OPN5: variants seen among roughly 807,000 people sequenced by gnomAD.
OPN5 encodes opsin-5.
In OPN5, 18 loss-of-function variants were observed where a neutral mutation model predicts 41.7. The ratio of observed to expected loss-of-function variants is 0.43; its 90% CI spans 0.30 to 0.64. The LOEUF (loss-of-function observed/expected upper bound fraction) is 0.64, where lower values mean the gene tolerates loss of function less well. Ranked by LOEUF, OPN5 falls within the 30% of genes least tolerant of loss-of-function variation. The pLI, the probability that OPN5 is intolerant of heterozygous loss-of-function variation, is 0.13. For missense variants in OPN5, 318 were observed against 434.5 expected, an observed-to-expected ratio of 0.73 and a Z score of 2.38; for synonymous variants, 178 against 164.3, an observed-to-expected ratio of 1.08 and a Z score of -0.64.
intron 4 of OPN5, among the ~76,000 whole-genome samples, chr6:47,803,582 T>G (rs1773855203): frequency 6.6e-6 from 1 of 152,230 alleles, no homozygotes; most frequent in Admixed American, 6.5e-5. Flanking sequence ...TAATTGGTTC[T>G]GTAATGTGAT....
At chr6:47,805,407 A>G (rs979679430) in intron 4 of OPN5, among the ~76,000 whole-genome samples, 24 of 138,804 alleles carry the variant, frequency 1.7e-4, no homozygotes, top group African/African-American at 6.0e-4. Context: ...AAATGGAAAA[A>G]AAATTGATAT....
rs11284494 is a variant in OPN5, at chr6:47,822,109, C to CA, written c.1057-1855dup. 8.6e-3 allele frequency among the ~76,000 whole-genome samples: 766 copies of CA among 88,928 alleles called. 8 individuals carry two copies. Among genetic ancestry groups the CA allele is most frequent in the East Asian group, 0.022 (55 of 2,486 alleles). The allele number at this position is 88,928 out of a possible 152,430, so 58.3% of individuals were successfully genotyped here. On this transcript the variant is annotated intron_variant, in intron 6 of 6. Transcript: ENST00000371211. ...CCTGGGTGACAGTGAGACTCTGTCT[C>CA]AAAAAAAAAAAAAAAAAAATGCAGG... is the stretch of plus-strand genomic sequence containing the variant.
intron 3 of OPN5, chr6:47,793,913 G>T: frequency 6.0e-6 from 2 of 332,054 alleles, no homozygotes; most frequent in Non-Finnish European, 8.6e-6. Flanking sequence ...TTATATTGTG[G>T]CTACATGATT....
chr6:47,813,173 C>G (rs1762312734), intron 6 of OPN5, among the ~76,000 whole-genome samples: 1 of 152,100 alleles, frequency 6.6e-6, no homozygotes, highest in South Asian at 2.1e-4. Flanking sequence ...AAAGAAGAGG[C>G]AGAATTGTCA....
intron 6 of OPN5, among the ~76,000 whole-genome samples, chr6:47,817,347 G>A (rs529973213): frequency 1.1e-4 from 16 of 152,182 alleles, no homozygotes; most frequent in African/African-American, 3.6e-4. Context: ...TTCTCATTGA[G>A]GTTCATGCCA....
chr6:47,815,330 G>A (rs555331927), intron 6 of OPN5, among the ~76,000 whole-genome samples: 88 of 152,132 alleles, frequency 5.8e-4, no homozygotes, highest in African/African-American at 2.0e-3. Flanking sequence ...TTAGCAACCT[G>A]AGCCACAAAT....
chr6:47,802,514 T>C (rs1447857183), intron 4 of OPN5, among the ~76,000 whole-genome samples: 2 of 152,164 alleles, frequency 1.3e-5, no homozygotes, highest in Non-Finnish European at 2.9e-5. Flanking sequence ...AGGAAGAGAA[T>C]GAAATGATAT....
At chr6:47,796,262 T>C (rs561069440) in intron 4 of OPN5, among the ~76,000 whole-genome samples, 2 of 152,204 alleles carry the variant, frequency 1.3e-5, no homozygotes, top group South Asian at 2.1e-4. Context: ...AATAGTGATA[T>C]CTGTCTTATT....
intron 6 of OPN5, among the ~76,000 whole-genome samples, chr6:47,812,866 T>C (rs988783254): frequency 6.6e-6 from 1 of 152,106 alleles, no homozygotes; most frequent in African/African-American, 2.4e-5. Flanking sequence ...TCTCACACCA[T>C]TGATAATCTC....
At chr6:47,816,913 G>A (rs1224810155) in intron 6 of OPN5, among the ~76,000 whole-genome samples, 1 of 152,118 alleles carries the variant, frequency 6.6e-6, no homozygotes, top group Non-Finnish European at 1.5e-5. Flanking sequence ...GTTTTGTAGT[G>A]ATAGGTGTGA....
At chr6:47,812,203 AG>A (rs1301402573) in intron 6 of OPN5, among the ~76,000 whole-genome samples, 1 of 152,072 alleles carries the variant, frequency 6.6e-6, no homozygotes, top group Non-Finnish European at 1.5e-5. Context: ...TTCATGCTGG[AG>A]GAGGTTTGTA....
chr6:47,782,317 G>T, intron 1 of OPN5, 121 bp downstream of exon 1: 3 of 849,864 alleles, frequency 3.5e-6, no homozygotes, highest in Admixed American at 2.4e-5. Context: ...GAAGAGTGGG[G>T]AAAGGCAGAA....
At chr6:47,812,207 G>A (rs1230844615) in intron 6 of OPN5, among the ~76,000 whole-genome samples, 1 of 152,096 alleles carries the variant, frequency 6.6e-6, no homozygotes, top group Non-Finnish European at 1.5e-5. Context: ...TGCTGGAGGA[G>A]GTTTGTACTC....
At chr6:47,786,873 G>A (rs1386733280) in intron 2 of OPN5, among the ~76,000 whole-genome samples, 2 of 152,144 alleles carry the variant, frequency 1.3e-5, no homozygotes, top group Non-Finnish European at 2.9e-5. Context: ...AGATGCTGAA[G>A]GCACAATTTG....
At chr6:47,789,973 G>T (rs1465211386) in intron 2 of OPN5, among the ~76,000 whole-genome samples, 1 of 150,816 alleles carries the variant, frequency 6.6e-6, no homozygotes, top group Non-Finnish European at 1.5e-5. Flanking sequence ...AAAAGTAGAA[G>T]AATGCTTTCT....
intron 4 of OPN5, among the ~76,000 whole-genome samples, chr6:47,803,682 ATT>A (rs1581744276): frequency 6.6e-6 from 1 of 152,020 alleles, no homozygotes; most frequent in African/African-American, 2.4e-5. Flanking sequence ...CTTCTAATCT[ATT>A]TTATTATTCA....
Position 47,791,793 on chromosome 6 carries a change from G to T in OPN5, c.251-9G>T. 1.2e-6 allele frequency: 2 copies of T among 1,613,544 alleles called. No homozygotes were observed. Among genetic ancestry groups the T allele is most frequent in the Non-Finnish European group, 1.7e-6 (2 of 1,179,614 alleles). On this transcript the variant is annotated splice_polypyrimidine_tract_variant and intron_variant, in intron 2 of 6. Transcript: ENST00000371211. Reference sequence around the variant, plus strand: ...GGAACGTCTGTTGACAAGTCACTTGGTGCTCTAGTTGTAGGCAAGCCGTTC... The same window carrying T: ...GGAACGTCTGTTGACAAGTCACTTGTTGCTCTAGTTGTAGGCAAGCCGTTC...
At chr6:47,796,137 G>A (rs1773563144) in intron 4 of OPN5, among the ~76,000 whole-genome samples, 2 of 152,150 alleles carry the variant, frequency 1.3e-5, no homozygotes, top group Non-Finnish European at 1.5e-5. Context: ...GTATTGTGGA[G>A]TAAGGAAAAG....
At chr6:47,797,060 A>G (rs1773596495) in intron 4 of OPN5, among the ~76,000 whole-genome samples, 1 of 152,138 alleles carries the variant, frequency 6.6e-6, no homozygotes, top group Non-Finnish European at 1.5e-5. Flanking sequence ...CAGCATGAGA[A>G]AGTCCTGCCC....
Sources: gnomAD v4.1 joint callset for allele counts (sites outside exome capture counted in the v4.1 genomes callset) on GRCh38, gnomAD v4.1.1 for gene constraint, MANE v1.5 for transcripts, NCBI Gene and HGNC (gene_info 2026-07-23, HGNC 2026-07-21) for gene names.